PADI2: variants seen among roughly 807,000 people sequenced by gnomAD.
The protein encoded by PADI2 is peptidyl arginine deiminase 2, also known as protein-arginine deiminase type-2.
PADI2 carries 70 observed loss-of-function variants against 81.1 expected under a neutral mutation model. The ratio of observed to expected loss-of-function variants is 0.86; its 90% CI spans 0.71 to 1.05. The LOEUF (loss-of-function observed/expected upper bound fraction) is 1.05. Ranked by LOEUF, PADI2 falls within the 50% of genes least tolerant of loss-of-function variation. The probability of loss-of-function intolerance (pLI) is 0.00; values close to 1 mark genes in which losing one functional copy is unlikely to be tolerated. For missense variants in PADI2, 853 were observed against 889.9 expected (o/e 0.96, Z 0.53); for synonymous variants, 338 against 358.0 (o/e 0.94, Z 0.63).
intron 5 of PADI2, among the ~76,000 whole-genome samples, chr1:17,092,856 G>C (rs1159281614): frequency 4.0e-5 from 6 of 151,150 alleles, no homozygotes; most frequent in African/African-American, 1.5e-4. Context: ...GGCTGAGGCA[G>C]GAGGATGGCT....
At position 17,067,412 on chromosome 1, in the gene PADI2, G is replaced by A. The variant is rs920086308; in HGVS notation, c.*1632C>T. The stretch of plus-strand genomic sequence containing the variant: ...GGAGACAACAGCTTCTGGAGGCTCT[G>A]GGGACTCATTGGATGGGTACTGGCT... On this transcript the variant is annotated 3_prime_UTR_variant, in exon 16 of 16. Coordinates refer to ENST00000375486, the MANE Select transcript of PADI2 (RefSeq NM_007365.3). 1 of 152,084 alleles carries A rather than the reference G, an allele frequency of 6.6e-6. No individual in the cohort carries two copies. The highest frequency in any genetic ancestry group is 2.4e-5 in the African/African-American group (1 of 41,368). The allele number at this position is 152,084 out of a possible 1,614,324, so 9.4% of individuals were successfully genotyped here.
intron 1 of PADI2, among the ~76,000 whole-genome samples, chr1:17,118,915 T>G (rs1931847641): frequency 6.7e-6 from 1 of 149,572 alleles, no homozygotes; most frequent in Non-Finnish European, 1.5e-5. Context: ...CGAGGGGAAG[T>G]GAGGTGCGGA....
chr1:17,098,843 C>T (rs1164413947), intron 3 of PADI2, among the ~76,000 whole-genome samples: 1 of 152,212 alleles, frequency 6.6e-6, no homozygotes, highest in African/African-American at 2.4e-5. Flanking sequence ...TAACTAGATT[C>T]CAGTGGGATG....
At chr1:17,094,812 G>A (rs899912050) in intron 4 of PADI2, among the ~76,000 whole-genome samples, 1 of 152,238 alleles carries the variant, frequency 6.6e-6, no homozygotes, top group African/African-American at 2.4e-5. Context: ...GGGGAGGTTG[G>A]AAGCTGTCGC....
At chr1:17,079,484 C>T (rs959980868) in intron 10 of PADI2, 69 bp from the exon 11 acceptor site, 14 of 1,336,398 alleles carry the variant, frequency 1.0e-5, no homozygotes, top group Non-Finnish European at 1.5e-5. Context: ...GCCAGCCACC[C>T]TCTTTTATCA....
chr1:17,068,904 A>G lies in PADI2; in HGVS notation c.*140T>C, dbSNP rs1378632195. On this transcript the variant is annotated 3_prime_UTR_variant, in exon 16 of 16. Coordinates refer to ENST00000375486, the MANE Select transcript of PADI2 (RefSeq NM_007365.3). ...AGGCCCCTCTCAGGGAGGGCAAGGC[A>G]CAGATACCCCAAATTCCACCCCACG... 4.4e-6 allele frequency: 3 copies of G among 687,044 alleles called. No homozygotes were observed. The African/African-American group carries it at 5.3e-5, about 12-fold the overall frequency. The allele number at this position is 687,044 out of a possible 1,614,324, so 42.6% of individuals were successfully genotyped here.
Position 17,079,276 on chromosome 1 carries a change from C to T in PADI2, c.1298G>A (p.Ser433Asn), listed in dbSNP as rs1304535073. 6.2e-7 allele frequency: 1 copy of T among 1,613,642 alleles called. No homozygotes were observed. The highest frequency in any genetic ancestry group is 1.3e-5 in the African/African-American group (1 of 75,048). The change falls in exon 11 of 16, where the codon AGC becomes AAC. Residue 433 changes from serine to asparagine, a missense_variant. Physicochemically the swap from Ser to Asn is conservative, Grantham distance 46. Transcript: ENST00000375486. ...TYPLGRILIG[S>N]SFPLSGGRRM... ...TGGCTTCTCTTACAGAGGAAAGCTG[C>T]TCCCGATGAGGATGCGGCCAAGCGG...
intron 5 of PADI2, among the ~76,000 whole-genome samples, 159 bp from the exon 6 acceptor site, chr1:17,092,692 T>C (rs1248900979): frequency 6.6e-6 from 1 of 151,770 alleles, no homozygotes; most frequent in Non-Finnish European, 1.5e-5. Context: ...CTCACACCTG[T>C]AATCCCAGTG....
Position 17,068,769 on chromosome 1 carries a change from T to C in PADI2, c.*275A>G. ...GGAGCAGTTTGGGCACATGGTTTGC[T>C]GTGTTTTGTTGTGTTCTGTTCCTTA... is the stretch of plus-strand genomic sequence containing the variant. On this transcript the variant is annotated 3_prime_UTR_variant, in exon 16 of 16. Transcript: ENST00000375486. 1 of 451,814 alleles carries C rather than the reference T, an allele frequency of 2.2e-6. No individual in the cohort carries two copies. Among genetic ancestry groups the C allele is most frequent in the Non-Finnish European group, 4.0e-6 (1 of 249,320 alleles). The allele number at this position is 451,814 out of a possible 1,614,324, so 28.0% of individuals were successfully genotyped here.
At chr1:17,079,473 A>C in intron 10 of PADI2, 58 bp from the exon 11 acceptor site, 1 of 1,443,532 alleles carries the variant, frequency 6.9e-7, no homozygotes, top group Admixed American at 1.9e-5. Flanking sequence ...TCAGCCCCCA[A>C]GCCAGCCACC....
At chr1:17,097,690 C>T (rs868690853) in intron 3 of PADI2, among the ~76,000 whole-genome samples, 4 of 152,106 alleles carry the variant, frequency 2.6e-5, no homozygotes, top group African/African-American at 7.2e-5. Flanking sequence ...GTCAGCAAAT[C>T]GGGCTGGTAA....
intron 1 of PADI2, among the ~76,000 whole-genome samples, chr1:17,111,543 T>G (rs1569596898): frequency 6.6e-6 from 1 of 151,820 alleles, no homozygotes; most frequent in African/African-American, 2.4e-5. Flanking sequence ...CTTTATAATC[T>G]AAAGGACAGG....
intron 13 of PADI2, among the ~76,000 whole-genome samples, chr1:17,073,800 G>GTGGCTCTAACCTGGCTGGT (rs1553180873): frequency 6.6e-6 from 1 of 152,124 alleles, no homozygotes; most frequent in African/African-American, 2.4e-5. Context: ...AATTGGCATG[G>GTGGCTCTAACCTGGCTGGT]TGTCTCTAAC....
At chr1:17,092,791 TA>T (rs557395690) in intron 5 of PADI2, among the ~76,000 whole-genome samples, 1 of 149,358 alleles carries the variant, frequency 6.7e-6, no homozygotes, top group African/African-American at 2.5e-5. Flanking sequence ...TTTACAAAAA[TA>T]AAAAAAATTA....
chr1:17,104,765 A>C, intron 2 of PADI2, 113 bp downstream of exon 2: 1 of 945,852 alleles, frequency 1.1e-6, no homozygotes, highest in Non-Finnish European at 1.5e-6. Context: ...TTACTGCAGA[A>C]CTGAAAATGA....
chr1:17,069,015 A>T lies in PADI2; in HGVS notation c.*29T>A, dbSNP rs768572793. 6.6e-7 allele frequency: 1 copy of T among 1,523,664 alleles called. No homozygotes were observed. Among genetic ancestry groups the T allele is most frequent in the South Asian group, 1.1e-5 (1 of 89,200 alleles). The allele number at this position is 1,523,664 out of a possible 1,614,324, so 94.4% of individuals were successfully genotyped here. ...AGGGAGGGTCTGGAGAACTAAGCGA[A>T]GGAGGCAAACGCCAGGGCCCCTGGC... On this transcript the variant is annotated 3_prime_UTR_variant, in exon 16 of 16. Coordinates refer to ENST00000375486, the MANE Select transcript of PADI2 (RefSeq NM_007365.3).
intron 13 of PADI2, 146 bp from the exon 14 acceptor site, chr1:17,071,637 C>T (rs930323931): frequency 9.4e-6 from 6 of 640,050 alleles, no homozygotes; most frequent in Non-Finnish European, 1.7e-5. Flanking sequence ...CACAGGAGGG[C>T]ACTCCCAGGC....
intron 1 of PADI2, among the ~76,000 whole-genome samples, chr1:17,116,148 G>A (rs1249556369): frequency 1.3e-5 from 2 of 152,354 alleles, no homozygotes; most frequent in East Asian, 3.9e-4. Context: ...TCAGAGAAGT[G>A]AAGCGATTTG....
chr1:17,093,832 C>A, intron 4 of PADI2, 148 bp from the exon 5 acceptor site: 1 of 571,880 alleles, frequency 1.7e-6, no homozygotes, highest in Non-Finnish European at 3.2e-6. Flanking sequence ...AATCTCAAGA[C>A]TGATGTCCAC....
Sources: gnomAD v4.1 joint callset for allele counts (sites outside exome capture counted in the v4.1 genomes callset) on GRCh38, gnomAD v4.1.1 for gene constraint, MANE v1.5 for transcripts, NCBI Gene and HGNC (gene_info 2026-07-23, HGNC 2026-07-21) for gene names.